KAT6A: variants seen among roughly 807,000 people sequenced by gnomAD.
The protein encoded by KAT6A is histone acetyltransferase KAT6A.
Under a neutral mutation model 198.4 loss-of-function variants are expected in KAT6A, and 9 were observed. That is an observed-to-expected ratio of 0.05 (90% CI 0.03 to 0.08). The LOEUF is 0.08. Ranked by LOEUF, KAT6A falls within the 10% of genes least tolerant of loss-of-function variation. KAT6A has a pLI of 1.00. For missense variants in KAT6A, 2,077 were observed against 2,509.9 expected (o/e 0.83, Z 3.69); for synonymous variants, 890 against 883.0 (o/e 1.01, Z -0.14).
At chr8:42,044,257 T>C (rs1827801805) in intron 2 of KAT6A, among the ~76,000 whole-genome samples, 1 of 151,920 alleles carries the variant, frequency 6.6e-6, no homozygotes, top group Admixed American at 6.6e-5. Context: ...CCCACCATCA[T>C]GCCGGGCTGA....
rs1389006011 is a variant in KAT6A, at chr8:41,940,992, T to A, written c.2889A>T (p.Thr963=). 1 of 1,614,204 alleles carries A rather than the reference T, an allele frequency of 6.2e-7. No homozygotes were observed. The highest frequency in any genetic ancestry group is 8.5e-7 in the Non-Finnish European group (1 of 1,180,036). ...GACGGGGCAGCCTCTCACTTCCTTC[T>A]GTTAATCTGCACTTCAGAGCCTCAG... The part of the protein sequence containing the change: ...KSPEALKCRL[T]EGSERLPRRY... Residue 963 remains threonine, a synonymous_variant, in exon 15 of 17, where the codon ACA becomes ACT. Coordinates refer to ENST00000265713, the MANE Select transcript of KAT6A (RefSeq NM_006766.5).
intron 2 of KAT6A, among the ~76,000 whole-genome samples, chr8:42,045,792 T>C (rs1802239481): frequency 7.1e-6 from 1 of 140,966 alleles, no homozygotes; most frequent in Non-Finnish European, 1.5e-5. Context: ...GCCAACATGG[T>C]GAAACCCTGT....
chr8:41,942,432 C>T (rs1156495928), intron 14 of KAT6A: 1 of 306,862 alleles, frequency 3.3e-6, no homozygotes, highest in Non-Finnish European at 6.1e-6. Flanking sequence ...AGGCATGAAA[C>T]ACCACACCCA....
chr8:41,949,070 T>G (rs1286098081), intron 10 of KAT6A, 152 bp downstream of exon 10: 2 of 469,192 alleles, frequency 4.3e-6, no homozygotes, highest in Non-Finnish European at 7.2e-6. Context: ...ACTGGCATTT[T>G]ATAATCAAAT....
rs567097029 is a variant in KAT6A, at chr8:41,932,838, C to T, written c.5382G>A (p.Leu1794=). 6.2e-7 allele frequency: 1 copy of T among 1,614,086 alleles called. No homozygotes were observed. Among genetic ancestry groups the T allele is most frequent in the Admixed American group, 1.7e-5 (1 of 60,022 alleles). Reference sequence around the variant, plus strand: ...TCCCAGCTAAGGGATGAGATGGAGCCAGCTGAGCCAGTCCTGTATTGGACA... The same window carrying T: ...TCCCAGCTAAGGGATGAGATGGAGCTAGCTGAGCCAGTCCTGTATTGGACA... The part of the protein sequence containing the change: ...VSLSNTGLAQ[L]APSHPLAGTP... Residue 1794 remains leucine, a synonymous_variant, in exon 17 of 17, where the codon CTG becomes CTA. Transcript: ENST00000265713.
chr8:41,983,080 A>G (rs1359712337), intron 3 of KAT6A, among the ~76,000 whole-genome samples: 2 of 152,212 alleles, frequency 1.3e-5, no homozygotes, highest in Non-Finnish European at 2.9e-5. Context: ...CTGTGCTCAG[A>G]ATGAATAGCA....
intron 8 of KAT6A, among the ~76,000 whole-genome samples, chr8:41,969,159 T>C (rs920634184): frequency 6.6e-6 from 1 of 152,196 alleles, no homozygotes; most frequent in African/African-American, 2.4e-5. Context: ...CTAATATTAA[T>C]TCCTTTATCA....
rs1271870766 is a variant in KAT6A, at chr8:41,933,407, C to T, written c.4813G>A (p.Val1605Ile). 2 of 1,610,110 alleles carry T rather than the reference C, an allele frequency of 1.2e-6. No individual in the cohort carries two copies. The highest frequency in any genetic ancestry group is 1.7e-5 in the Admixed American group (1 of 59,954). ...CCCATGCTGGCCATCTGCTGAGTGA[C>T]CACACAGCTGCTCTGGGTGAGGCTG... ...SSSLTQSSCV[V>I]TQQMASMGSS... The change falls in exon 17 of 17, where the codon GTC becomes ATC. Residue 1605 changes from valine to isoleucine, a missense_variant. Val to Ile is a conservative substitution (Grantham distance 29). This residue lies in a region of KAT6A where 500 missense variants were observed against 577.2 expected (regional missense o/e 0.87). Transcript: ENST00000265713. The surrounding 1 kb of genome is among the most constrained non-coding windows in gnomAD (Gnocchi z 6.2).
rs756024062 is a variant in KAT6A at position 42,012,095 on chromosome 8, C to T, written c.601-24532G>A. 1.4e-4 allele frequency among the ~76,000 whole-genome samples: 21 copies of T among 152,208 alleles called. 1 individual carries two copies. The highest frequency in any genetic ancestry group is 6.2e-4 in the South Asian group (3 of 4,822). ...CTATTAGAACGGCTTTTTAAAATGA[C>T]AATATCAAGTACCAGTGAGGAGTCT... On this transcript the variant is annotated intron_variant, in intron 2 of 16. Transcript: ENST00000265713.
In KAT6A at chr8:41,933,672, T is replaced by C. The variant is rs771272376; in HGVS notation, c.4548A>G (p.Gln1516=). ...GCATAGAGGGTGCGGACAGGGATCC[T>C]TGTTCTGGGCTGATCTGGGTGTAGC... ...ESGYTQISPE[Q]GSLSAPSMQN... Residue 1516 remains glutamine (Q), a synonymous_variant, in exon 17 of 17, where the codon CAA becomes CAG. Transcript: ENST00000265713. This position sits in a 1 kb window ranked among gnomAD's most constrained non-coding sequence, Gnocchi z 6.2. 4 of 1,614,008 alleles carry C rather than the reference T, an allele frequency of 2.5e-6. No homozygotes were observed. The South Asian group carries it at 4.4e-5, about 18-fold the overall frequency.
intron 8 of KAT6A, among the ~76,000 whole-genome samples, chr8:41,967,109 A>G (rs1298717614): frequency 6.6e-6 from 1 of 152,150 alleles, no homozygotes; most frequent in Non-Finnish European, 1.5e-5. Context: ...AACCATACAA[A>G]AACCAAAGGA....
At chr8:41,971,486 C>A (rs552401541) in intron 8 of KAT6A, among the ~76,000 whole-genome samples, 2 of 152,248 alleles carry the variant, frequency 1.3e-5, no homozygotes, top group African/African-American at 4.8e-5. Context: ...CCAAGGCAGG[C>A]ATGCTTGGTG....
intron 3 of KAT6A, among the ~76,000 whole-genome samples, chr8:41,987,002 C>T (rs938075071): frequency 3.3e-5 from 5 of 152,192 alleles, no homozygotes; most frequent in African/African-American, 1.2e-4. Context: ...CACGCCACTA[C>T]ACTCCAGCCT....
Position 41,933,231 on chromosome 8 carries a change from CGGCGGCGGCTGTGGCTGCTGTGGA to C in KAT6A, c.4965_4988del (p.Gln1658_Gln1665del), listed in dbSNP as rs1821655927. The C allele has an allele frequency of 6.5e-7, 1 of 1,545,126 alleles. No homozygotes were observed. Among genetic ancestry groups the C allele is most frequent in the African/African-American group, 1.4e-5 (1 of 73,510 alleles). On this transcript the variant is annotated inframe_deletion, in exon 17 of 17. Coordinates refer to ENST00000265713, the MANE Select transcript of KAT6A (RefSeq NM_006766.5). This position sits in a 1 kb window ranked among gnomAD's most constrained non-coding sequence, Gnocchi z 6.2. ...GCTGTGGTGCTGGTTGTGGTTGTGG[CGGCGGCGGCTGTGGCTGCTGTGGA>C]GGCGGTGGTGGCGGCTGCTGCTGCT... is the stretch of plus-strand genomic sequence containing the variant.
rs1199696876 is a variant in KAT6A at position 42,048,454 on chromosome 8, T to C, written c.524A>G (p.Asn175Ser). 6.2e-7 allele frequency: 1 copy of C among 1,613,972 alleles called. No homozygotes were observed. Among genetic ancestry groups the C allele is most frequent in the Non-Finnish European group, 8.5e-7 (1 of 1,179,950 alleles). ...PLYRLNTKAT[N>S]VDGKESCESL... is the part of the protein sequence containing the mutation. ...CTCACAACTCTCTTTCCCATCCACG[T>C]TGGTTGCTTTAGTGTTGAGCCGATA... Residue 175 changes from asparagine (N) to serine (S), a missense_variant, in exon 2 of 17, where the codon AAC becomes AGC. Transcript: ENST00000265713.
rs1554686629 is a variant in KAT6A at position 41,967,274 on chromosome 8, A to ATTT, written c.1482+7429_1482+7430insAAA. Among the ~76,000 whole-genome samples, 538 of 142,846 alleles carry ATTT rather than the reference A, an allele frequency of 3.8e-3. 2 individuals carry two copies. Among genetic ancestry groups the ATTT allele is most frequent in the African/African-American group, 0.013 (508 of 38,572 alleles). 93.7% of individuals were successfully genotyped at this position (142,846 alleles called of 152,430 possible). ...GCGTCTTTCTTTTTTTAAAAAAAAA[A>ATTT]ATTTATTTATTTATTTATTTATTTA... On this transcript the variant is annotated intron_variant, in intron 8 of 16. Transcript: ENST00000265713.
intron 2 of KAT6A, among the ~76,000 whole-genome samples, chr8:42,014,760 A>G (rs1826189433): frequency 6.6e-6 from 1 of 152,240 alleles, no homozygotes; most frequent in African/African-American, 2.4e-5. Flanking sequence ...CTCAACTAGA[A>G]TAAGTGACCT....
intron 8 of KAT6A, among the ~76,000 whole-genome samples, chr8:41,971,975 TA>T (rs1432483125): frequency 2.6e-5 from 4 of 152,104 alleles, no homozygotes; most frequent in African/African-American, 9.7e-5. Context: ...TGTTCACCAC[TA>T]AAAGCCAGAA....
At chr8:41,992,891 G>A (rs1326935085) in intron 2 of KAT6A, among the ~76,000 whole-genome samples, 2 of 151,774 alleles carry the variant, frequency 1.3e-5, no homozygotes, top group Admixed American at 6.6e-5. Flanking sequence ...AACATAAAAG[G>A]GAAAAAAAGG....
Sources: allele counts gnomAD v4.1 joint callset (sites outside exome capture counted in the v4.1 genomes callset), GRCh38; gene constraint gnomAD v4.1.1; regional missense constraint gnomAD v4.1.1; non-coding constraint Gnocchi (gnomAD v3.1); transcripts MANE v1.5; gene names NCBI Gene and HGNC (gene_info 2026-07-23, HGNC 2026-07-21).